RD3: variants seen among roughly 807,000 people sequenced by gnomAD.
The protein encoded by RD3 is protein RD3.
RD3 carries 11 observed loss-of-function variants against 16.9 expected under a neutral mutation model. The observed-to-expected ratio is 0.65, with a 90% confidence interval of 0.41 to 1.08. The LOEUF is 1.08. RD3 is among the 50% of genes least tolerant of loss of function. The pLI is 0.00. For missense variants in RD3, 274 were observed against 267.4 expected (o/e 1.02, Z -0.17); for synonymous variants, 116 against 114.8 (o/e 1.01, Z -0.07).
Position 211,478,974 on chromosome 1 carries a change from G to C in RD3, c.*62C>G. On this transcript the variant is annotated 3_prime_UTR_variant, in exon 3 of 3. Transcript: ENST00000680073. ...GGGAGGTTCCAGGGCCCGGCGCTCC[G>C]GTCACCGGCCTATCATTCCCCCTGC... 6.9e-6 allele frequency: 10 copies of C among 1,455,246 alleles called. No homozygotes were observed. Among genetic ancestry groups the C allele is most frequent in the South Asian group, 6.7e-5 (5 of 74,456 alleles). 90.1% of individuals were successfully genotyped at this position (1,455,246 alleles called of 1,614,324 possible).
intron 1 of RD3, among the ~76,000 whole-genome samples, chr1:211,489,658 T>C (rs1705446537): frequency 6.6e-6 from 1 of 151,872 alleles, no homozygotes; most frequent in Non-Finnish European, 1.5e-5. Flanking sequence ...TTTAGAAGCA[T>C]TTTTCTAGGA....
intron 1 of RD3, 76 bp from the exon 2 acceptor site, chr1:211,481,502 G>C: frequency 7.0e-7 from 1 of 1,423,186 alleles, no homozygotes; most frequent in Non-Finnish European, 9.7e-7. Context: ...GAACCCAAGG[G>C]GGAGAGAGGA....
At chr1:211,483,412 G>A (rs1705314771) in intron 1 of RD3, among the ~76,000 whole-genome samples, 1 of 151,008 alleles carries the variant, frequency 6.6e-6, no homozygotes, top group African/African-American at 2.4e-5. Context: ...CTGAGATGGT[G>A]CCACTGCATT....
At chr1:211,488,728 C>T (rs1041532109) in intron 1 of RD3, among the ~76,000 whole-genome samples, 1 of 152,136 alleles carries the variant, frequency 6.6e-6, no homozygotes, top group African/African-American at 2.4e-5. Context: ...CTGCGTTTCC[C>T]TCTTTTGTCT....
chr1:211,488,032 T>A (rs1463938156), intron 1 of RD3, among the ~76,000 whole-genome samples: 1 of 152,232 alleles, frequency 6.6e-6, no homozygotes, highest in East Asian at 1.9e-4. Flanking sequence ...CTGCCCCTGT[T>A]CTCTGCATAA....
Position 211,479,130 on chromosome 1 carries a change from T to G in RD3, c.494A>C (p.Asp165Ala), listed in dbSNP as rs149051185. The G allele has an allele frequency of 2.6e-4, 427 of 1,612,732 alleles. No homozygotes were observed. The African/African-American group carries it at 5.3e-3, about 20-fold the overall frequency. ...CACGTCCTCGGAGATGGTCCTGATG[T>G]CGCTGGCGAAGGGCGAGATGCGCGC... The part of the protein sequence containing the change: ...TRARISPFAS[D>A]IRTISEDVER... Residue 165 changes from aspartate to alanine, a missense_variant, in exon 3 of 3, where the codon GAC becomes GCC. Coordinates refer to ENST00000680073, the MANE Select transcript of RD3 (RefSeq NM_001164688.2).
chr1:211,490,231 G>A (rs1461708786), intron 1 of RD3, among the ~76,000 whole-genome samples: 2 of 152,250 alleles, frequency 1.3e-5, no homozygotes, highest in African/African-American at 4.8e-5. Flanking sequence ...GCAGGGCTCT[G>A]ACCCCCTGCA....
chr1:211,491,133 C>T (rs998714314), intron 1 of RD3, among the ~76,000 whole-genome samples: 5 of 152,138 alleles, frequency 3.3e-5, no homozygotes, highest in East Asian at 1.9e-4. Flanking sequence ...ATCCCTTGGT[C>T]GCAGCTGGAC....
chr1:211,479,080 G>A lies in RD3; in HGVS notation c.544C>T (p.Arg182Trp). The change falls in exon 3 of 3, where the codon CGG (arginine) becomes TGG (tryptophan). Residue 182 changes from arginine to tryptophan, a missense_variant. Transcript: ENST00000680073. ...CGGAATTCGGGCATGCTCCAGGACCGCAGTGGCGGCGGTGTGTCCCGCTCC... is the reference window on the plus strand; with the variant it reads ...CGGAATTCGGGCATGCTCCAGGACCACAGTGGCGGCGGTGTGTCCCGCTCC... ...DVERDTPPPL[R>W]SWSMPEFRAP... 1 of 1,610,292 alleles carries A rather than the reference G, an allele frequency of 6.2e-7. No individual in the cohort carries two copies.
chr1:211,484,677 C>T (rs1170689657), intron 1 of RD3, among the ~76,000 whole-genome samples: 1 of 152,228 alleles, frequency 6.6e-6, no homozygotes, highest in Non-Finnish European at 1.5e-5. Flanking sequence ...GAGATTCAGA[C>T]AGCATTCTTG....
At chr1:211,480,910 G>A (rs1705244374) in intron 2 of RD3, among the ~76,000 whole-genome samples, 2 of 151,802 alleles carry the variant, frequency 1.3e-5, no homozygotes, top group African/African-American at 4.9e-5. Flanking sequence ...CGCGCCTCCA[G>A]GAGCTGCCTC....
chr1:211,490,169 C>T (rs561024543), intron 1 of RD3, among the ~76,000 whole-genome samples: 51 of 152,302 alleles, frequency 3.3e-4, no homozygotes, highest in Middle Eastern at 3.4e-3. Context: ...AGAGGGGGAC[C>T]AGGGATGTCT....
At chr1:211,491,201 A>G (rs1705483103) in intron 1 of RD3, among the ~76,000 whole-genome samples, 2 of 151,698 alleles carry the variant, frequency 1.3e-5, no homozygotes, top group Non-Finnish European at 2.9e-5. Flanking sequence ...GCCTGGGCCC[A>G]CTCTCCTGGG....
chr1:211,480,428 T>G (rs978977714), intron 2 of RD3, among the ~76,000 whole-genome samples: 9 of 152,110 alleles, frequency 5.9e-5, no homozygotes, highest in African/African-American at 1.7e-4. Flanking sequence ...TTTAAGATGT[T>G]TTATTGTGGA....
At position 211,481,218 on chromosome 1, in the gene RD3, T is replaced by TGAG. The variant is rs1705250070; in HGVS notation, c.197_198insCTC (p.Thr66_Pro67insSer). 1 of 1,614,132 alleles carries TGAG rather than the reference T, an allele frequency of 6.2e-7. No individual in the cohort carries two copies. The highest frequency in any genetic ancestry group is 1.3e-5 in the African/African-American group (1 of 74,936). On this transcript the variant is annotated inframe_insertion, in exon 2 of 3. Coordinates refer to ENST00000680073, the MANE Select transcript of RD3 (RefSeq NM_001164688.2). ...GGCTGAGGTCATAGGTGGACCGGGG[T>TGAG]GTGCTGGCCAGCCAGCTGTAGTCCA...
In RD3 at chr1:211,481,299, C is replaced by T. The variant is rs760489642; in HGVS notation, c.117G>A (p.Glu39=). The change falls in exon 2 of 3, where the codon GAG becomes GAA. Residue 39 remains glutamate (E), a synonymous_variant. Transcript: ENST00000680073. ...TGCGCTCCCGCTGCTGCCTCTCAGC[C>T]TCTCGCATCTGCCCCGTCAGCTCCA... ...LMMELTGQMR[E]AERQQRERSN... 4.3e-6 allele frequency: 7 copies of T among 1,614,274 alleles called. No individual in the cohort carries two copies. The highest frequency in any genetic ancestry group is 4.5e-5 in the East Asian group (2 of 44,892).
In RD3 at chr1:211,478,809, G is replaced by C. The variant is rs987315153; in HGVS notation, c.*227C>G. The C allele has an allele frequency of 5.3e-6, 3 of 560,972 alleles. No individual in the cohort carries two copies. In the African/African-American group the frequency reaches 5.7e-5, roughly 11 times the overall value. The allele number at this position is 560,972 out of a possible 1,614,324, so 34.7% of individuals were successfully genotyped here. A position where few individuals can be genotyped will look rare whatever the true frequency, so the allele number is the denominator to read the frequency against. ...GGGCTGCTCCTGCAGACTAGCGCAGGAGAGGGAGAGGGCGGTGCCGCTCTA... is the reference window on the plus strand; with the variant it reads ...GGGCTGCTCCTGCAGACTAGCGCAGCAGAGGGAGAGGGCGGTGCCGCTCTA... On this transcript the variant is annotated 3_prime_UTR_variant, in exon 3 of 3. Coordinates refer to ENST00000680073, the MANE Select transcript of RD3 (RefSeq NM_001164688.2).
At position 211,478,849 on chromosome 1, in the gene RD3, T is replaced by G; in HGVS notation, c.*187A>C. The stretch of plus-strand genomic sequence containing the variant: ...GTGCCGCTCTACGACCTAACTCAGC[T>G]TTGTGGCCAGAGGAAGAGGATGGGG... On this transcript the variant is annotated 3_prime_UTR_variant, in exon 3 of 3. Transcript: ENST00000680073. 1.6e-6 allele frequency: 1 copy of G among 614,460 alleles called. No homozygotes were observed. 38.1% of individuals were successfully genotyped at this position (614,460 alleles called of 1,614,324 possible).
chr1:211,487,525 G>A (rs183750049), intron 1 of RD3, among the ~76,000 whole-genome samples: 1 of 152,310 alleles, frequency 6.6e-6, no homozygotes, highest in East Asian at 1.9e-4. Flanking sequence ...GTATCTGGGG[G>A]ATATTGATAG....
Sources: gnomAD v4.1 joint callset for allele counts (sites outside exome capture counted in the v4.1 genomes callset) on GRCh38, gnomAD v4.1.1 for gene constraint, MANE v1.5 for transcripts, NCBI Gene and HGNC (gene_info 2026-07-23, HGNC 2026-07-21) for gene names.